Variants in DLG2 observed in about 807,000 individuals in gnomAD.
The protein encoded by DLG2 is disks large homolog 2.
A neutral mutation model predicts 132.5 loss-of-function variants in DLG2; 45 were observed. The observed-to-expected ratio is 0.34, with a 90% CI of 0.27 to 0.44. The LOEUF is 0.44. DLG2 is among the 20% of genes least tolerant of loss of function. The pLI is 1.00. For synonymous variants in DLG2, 424 were observed against 419.6 expected, an observed-to-expected ratio of 1.01 and a Z score of -0.13; for missense variants, 1,045 against 1,196.9, an observed-to-expected ratio of 0.87 and a Z score of 1.87.
chr11:84,074,258 T>A (rs1356508858), intron 10 of DLG2, among the ~76,000 whole-genome samples: 1 of 152,118 alleles, frequency 6.6e-6, no homozygotes, highest in Non-Finnish European at 1.5e-5. Context: ...CATCATACAT[T>A]CAGTTTTTTT....
intron 6 of DLG2, among the ~76,000 whole-genome samples, chr11:84,686,630 GT>G (rs60618412): frequency 0.23 from 26,086 of 113,654 alleles, 2,266 homozygotes; most frequent in East Asian, 0.45. Flanking sequence ...TGGCCTTGAG[GT>G]TTTTTTTTTT....
intron 3 of DLG2, among the ~76,000 whole-genome samples, chr11:85,412,551 A>G (rs1211642581): frequency 1.3e-5 from 2 of 151,558 alleles, no homozygotes; most frequent in Non-Finnish European, 2.9e-5. Flanking sequence ...CCCAGAGTTC[A>G]CTGTGTTATT....
intron 6 of DLG2, chr11:84,762,116 T>C (rs1257484152): frequency 1.3e-5 from 2 of 152,150 alleles, no homozygotes; most frequent in Non-Finnish European, 2.9e-5. Flanking sequence ...TATAGAAACA[T>C]CATATTTGAA....
intron 8 of DLG2, among the ~76,000 whole-genome samples, chr11:84,214,254 T>C (rs542189175): frequency 2.8e-5 from 4 of 143,250 alleles, no homozygotes; most frequent in Admixed American, 2.1e-4. Context: ...TATATATACA[T>C]ATATATGAAT....
At chr11:85,379,358 A>G (rs1009279600) in intron 3 of DLG2, among the ~76,000 whole-genome samples, 1 of 152,204 alleles carries the variant, frequency 6.6e-6, no homozygotes, top group African/African-American at 2.4e-5. Flanking sequence ...GATATGTAGC[A>G]TGTGATATGA....
chr11:84,765,880 A>G (rs891041516), intron 6 of DLG2, among the ~76,000 whole-genome samples: 1 of 151,874 alleles, frequency 6.6e-6, no homozygotes, highest in Non-Finnish European at 1.5e-5. Context: ...ATTTAATTCT[A>G]TTATATCAGC....
At chr11:85,430,851 A>AG (rs2091131910) in intron 3 of DLG2, among the ~76,000 whole-genome samples, 1 of 149,304 alleles carries the variant, frequency 6.7e-6, no homozygotes, top group Non-Finnish European at 1.5e-5. Context: ...AGCCAGTCAA[A>AG]AAAAAAAAAA....
intron 7 of DLG2, among the ~76,000 whole-genome samples, chr11:84,435,537 T>C (rs2098997840): frequency 1.3e-5 from 2 of 152,202 alleles, no homozygotes; most frequent in South Asian, 4.1e-4. Context: ...TGTTATTTCC[T>C]TTGGTCTTTG....
chr11:83,845,495 T>A (rs1348407428), intron 16 of DLG2, among the ~76,000 whole-genome samples: 1 of 152,236 alleles, frequency 6.6e-6, no homozygotes, highest in Non-Finnish European at 1.5e-5. Flanking sequence ...TTATTGGGCA[T>A]CATACAGATA....
intron 3 of DLG2, among the ~76,000 whole-genome samples, chr11:85,463,279 G>A (rs1178065668): frequency 1.3e-5 from 2 of 152,106 alleles, no homozygotes; most frequent in Non-Finnish European, 2.9e-5. Context: ...ACTGCAAAGT[G>A]GTTAAAAATG....
intron 6 of DLG2, among the ~76,000 whole-genome samples, chr11:85,057,200 G>A (rs1007735788): frequency 1.6e-4 from 24 of 151,330 alleles, no homozygotes; most frequent in African/African-American, 5.8e-4. Context: ...ATAGTTGAAG[G>A]AAGAAGATAA....
At chr11:84,794,045 T>G (rs939274535) in intron 6 of DLG2, among the ~76,000 whole-genome samples, 20 of 152,346 alleles carry the variant, frequency 1.3e-4, no homozygotes, top group African/African-American at 4.8e-4. Context: ...ATTTCTAATT[T>G]GTGTGTTTAT....
rs68038267 is a variant in DLG2, at chr11:84,617,694, T to C, written c.358-82963A>G. On this transcript the variant is annotated intron_variant, in intron 6 of 27. Coordinates refer to ENST00000376104, the MANE Select transcript of DLG2 (RefSeq NM_001142699.3). ...TTCATTCATTCAACAAACATTAGAC[T>C]ATTAGGATGGCCATATAATTCATCA... Among the ~76,000 whole-genome samples, 744 of 152,206 alleles carry C rather than the reference T, an allele frequency of 4.9e-3. 7 individuals carry two copies. Among genetic ancestry groups the C allele is most frequent in the Non-Finnish European group, 9.0e-3 (609 of 67,994 alleles).
intron 8 of DLG2, among the ~76,000 whole-genome samples, chr11:84,248,149 A>T (rs1341947296): frequency 1.3e-5 from 2 of 152,192 alleles, no homozygotes; most frequent in African/African-American, 4.8e-5. Flanking sequence ...AGTCAGGAAC[A>T]AAGGGGAGAG....
intron 6 of DLG2, among the ~76,000 whole-genome samples, chr11:84,848,352 G>A (rs1445172070): frequency 6.6e-6 from 1 of 152,048 alleles, no homozygotes; most frequent in Non-Finnish European, 1.5e-5. Context: ...AAATTAGCCA[G>A]GCATGGTGGT....
At chr11:84,026,697 C>G (rs1189932236) in intron 11 of DLG2, among the ~76,000 whole-genome samples, 1 of 152,120 alleles carries the variant, frequency 6.6e-6, no homozygotes, top group African/African-American at 2.4e-5. Context: ...ACCTTCCCCA[C>G]TCCATATTCC....
rs954232698 is a variant in DLG2, at chr11:85,254,451, G to A, written c.186+30769C>T. Among the ~76,000 whole-genome samples, 13 of 152,076 alleles carry A rather than the reference G, an allele frequency of 8.5e-5. 1 individual carries two copies. The East Asian group carries it at 1.9e-3, about 23-fold the overall frequency. ...ACCTTTGTGTAATAGCATTATTAAC[G>A]ATTTGCTTTTTCATTCTGTTTTTAA... is the stretch of plus-strand genomic sequence containing the variant. On this transcript the variant is annotated intron_variant, in intron 4 of 27. Coordinates refer to ENST00000376104, the MANE Select transcript of DLG2 (RefSeq NM_001142699.3).
intron 18 of DLG2, among the ~76,000 whole-genome samples, chr11:83,738,425 C>G (rs1400303944): frequency 6.6e-6 from 1 of 152,018 alleles, no homozygotes; most frequent in African/African-American, 2.4e-5. Context: ...CACTAGCAAA[C>G]CACTGGCATT....
chr11:85,248,674 G>A (rs1255234598), intron 4 of DLG2, among the ~76,000 whole-genome samples: 1 of 151,988 alleles, frequency 6.6e-6, no homozygotes, highest in Non-Finnish European at 1.5e-5. Context: ...ACTAAAAACA[G>A]GCAATCTCCA....
Sources: gnomAD v4.1 joint callset for allele counts (sites outside exome capture counted in the v4.1 genomes callset) on GRCh38, gnomAD v4.1.1 for gene constraint, MANE v1.5 for transcripts, NCBI Gene and HGNC (gene_info 2026-07-23, HGNC 2026-07-21) for gene names.